The following KIF3C variants were observed in gnomAD, a reference collection of about 807,000 sequenced individuals.
KIF3C encodes the protein kinesin family member 3C, also known as kinesin-like protein KIF3C.
A neutral mutation model predicts 67.7 loss-of-function variants in KIF3C; 12 were observed. That is an observed-to-expected ratio of 0.18 (90% CI 0.11 to 0.29). The LOEUF (loss-of-function observed/expected upper bound fraction) is 0.29. KIF3C is among the 10% of genes least tolerant of loss of function. KIF3C has a pLI of 1.00. For synonymous variants in KIF3C, 393 were observed against 426.2 expected, an observed-to-expected ratio of 0.92 and a Z score of 0.96; for missense variants, 789 against 1,059.6, an observed-to-expected ratio of 0.74 and a Z score of 3.55.
chr2:25,961,685 A>G (rs1663946418), intron 1 of KIF3C, among the ~76,000 whole-genome samples: 1 of 152,236 alleles, frequency 6.6e-6, no homozygotes, highest in African/African-American at 2.4e-5. Context: ...TTTAGAAACA[A>G]AACATTGTAC....
At chr2:25,977,620 C>T (rs1330022521) in intron 1 of KIF3C, among the ~76,000 whole-genome samples, 2 of 152,190 alleles carry the variant, frequency 1.3e-5, no homozygotes, top group Non-Finnish European at 2.9e-5. Context: ...ACAGAAGCCA[C>T]CCCATAGCTG....
chr2:25,946,910 G>A (rs1052545422), intron 5 of KIF3C, among the ~76,000 whole-genome samples: 11 of 152,036 alleles, frequency 7.2e-5, no homozygotes, highest in Non-Finnish European at 1.2e-4. Context: ...CCAGCACTTC[G>A]GGAGGCCGAG....
chr2:25,952,005 GA>G, intron 4 of KIF3C, 100 bp from the exon 5 acceptor site: 1 of 840,460 alleles, frequency 1.2e-6, no homozygotes. Flanking sequence ...CCAAGAGGCA[GA>G]GGGGGCTGGG....
chr2:25,963,190 AT>A lies in KIF3C; in HGVS notation c.1546-6747del, dbSNP rs1559555643. On this transcript the variant is annotated intron_variant, in intron 1 of 7. Transcript: ENST00000264712. Reference sequence around the variant, plus strand: ...TGTGTGTGTGTATATATATATATATATATATATTTTTTTTTTTTTTTTTTTT... The same window carrying A: ...TGTGTGTGTGTATATATATATATATAATATATTTTTTTTTTTTTTTTTTTT... Among the ~76,000 whole-genome samples the A allele has an allele frequency of 3.0e-3, 159 of 53,616 alleles. 6 individuals carry two copies. The highest frequency in any genetic ancestry group is 0.019 in the African/African-American group (153 of 7,944). The allele number at this position is 53,616 out of a possible 152,430, so 35.2% of individuals were successfully genotyped here. A position where few individuals can be genotyped will look rare whatever the true frequency, so the allele number is the denominator to read the frequency against.
chr2:25,964,947 C>T (rs879184166), intron 1 of KIF3C, among the ~76,000 whole-genome samples: 7 of 152,272 alleles, frequency 4.6e-5, no homozygotes, highest in African/African-American at 1.2e-4. Context: ...CATCTGCTTC[C>T]GCGTTGGATC....
chr2:25,941,849 A>AGC (rs79200575), intron 5 of KIF3C, among the ~76,000 whole-genome samples: 109,102 of 151,218 alleles, frequency 0.72, 41,222 homozygotes, highest in Non-Finnish European at 0.84. Context: ...CACTGCACTC[A>AGC]CTGGGCAACA....
intron 5 of KIF3C, among the ~76,000 whole-genome samples, chr2:25,950,833 T>C (rs1054910237): frequency 6.6e-6 from 1 of 151,122 alleles, no homozygotes; most frequent in Non-Finnish European, 1.5e-5. Context: ...ACTTATGTGG[T>C]ATCACCTTAA....
chr2:25,929,547 C>A, intron 6 of KIF3C, 70 bp from the exon 7 acceptor site: 1 of 1,408,540 alleles, frequency 7.1e-7, no homozygotes, highest in Non-Finnish European at 1.0e-6. Context: ...CTCAGCCAGT[C>A]TTGGGTGTAG....
chr2:25,971,386 G>C (rs1439067115), intron 1 of KIF3C, among the ~76,000 whole-genome samples: 1 of 151,562 alleles, frequency 6.6e-6, no homozygotes, highest in Non-Finnish European at 1.5e-5. Context: ...CTTGCAGTTA[G>C]CTGAGATCAC....
rs1398776826 is a variant in KIF3C, at chr2:25,928,827, G to A, written c.*151C>T. 5 of 619,838 alleles carry A rather than the reference G, an allele frequency of 8.1e-6. No individual in the cohort carries two copies. The highest frequency in any genetic ancestry group is 5.6e-5 in the East Asian group (2 of 36,010). The allele number at this position is 619,838 out of a possible 1,614,324, so 38.4% of individuals were successfully genotyped here. On this transcript the variant is annotated 3_prime_UTR_variant, in exon 8 of 8. Coordinates refer to ENST00000264712, the MANE Select transcript of KIF3C (RefSeq NM_002254.8). ...AAATAAAGGAGGCGAAGAAGAGCAGGCAGAGGCACCATCTGCCAGATTCTC... is the reference window on the plus strand; with the variant it reads ...AAATAAAGGAGGCGAAGAAGAGCAGACAGAGGCACCATCTGCCAGATTCTC...
In KIF3C at chr2:25,929,334, G is replaced by T; in HGVS notation, c.2259C>A (p.Ser753=). ...ATCTGGACTTTCGGACTTTAGACGT[G>T]GAAGGTCTTTCCAGAAAGCTGTCCA... is the stretch of plus-strand genomic sequence containing the variant. ...MRLDSFLERP[S]TSKVRKSRSW... The change falls in exon 7 of 8, where the codon TCC becomes TCA. Residue 753 remains serine (S), a synonymous_variant. Transcript: ENST00000264712. 6.2e-7 allele frequency: 1 copy of T among 1,614,128 alleles called. No individual in the cohort carries two copies. Among genetic ancestry groups the T allele is most frequent in the Admixed American group, 1.7e-5 (1 of 60,006 alleles).
chr2:25,955,272 C>G lies in KIF3C; in HGVS notation c.1770+269G>C, dbSNP rs577447679. ...GGTGACACTGAACGGGGTAATCACC[C>G]AGGACCATGAAGATGGTAACGCTGG... On this transcript the variant is annotated intron_variant, in intron 3 of 7. Coordinates refer to ENST00000264712, the MANE Select transcript of KIF3C (RefSeq NM_002254.8). The surrounding 1 kb of genome is among the most constrained non-coding windows in gnomAD (Gnocchi z 5.0). 6.6e-6 allele frequency among the ~76,000 whole-genome samples: 1 copy of G among 152,288 alleles called. No individual in the cohort carries two copies. Among genetic ancestry groups the G allele is most frequent in the South Asian group, 2.1e-4 (1 of 4,822 alleles).
chr2:25,967,387 C>T (rs1470843358), intron 1 of KIF3C, among the ~76,000 whole-genome samples: 1 of 152,216 alleles, frequency 6.6e-6, no homozygotes, highest in Non-Finnish European at 1.5e-5. Flanking sequence ...AGTCAGGGTG[C>T]TCCAGTCGGG....
intron 1 of KIF3C, among the ~76,000 whole-genome samples, chr2:25,970,537 G>A (rs1205905030): frequency 6.6e-6 from 1 of 151,606 alleles, no homozygotes; most frequent in East Asian, 1.9e-4. Context: ...GTGTGGTGGT[G>A]GCCACTATAA....
rs1000683717 is a variant in KIF3C at position 25,958,824 on chromosome 2, C to T, written c.1546-2380G>A. ...GTGCGGTGGCTAGCGCCTGTAATCCCGGCACTTTGGGAGGCCAAGGCAGGC... is the reference window on the plus strand; with the variant it reads ...GTGCGGTGGCTAGCGCCTGTAATCCTGGCACTTTGGGAGGCCAAGGCAGGC... On this transcript the variant is annotated intron_variant, in intron 1 of 7. Transcript: ENST00000264712. This position sits in a 1 kb window ranked among gnomAD's most constrained non-coding sequence, Gnocchi z 4.5. Among the ~76,000 whole-genome samples, 6 of 152,154 alleles carry T rather than the reference C, an allele frequency of 3.9e-5. No individual in the cohort carries two copies. The highest frequency in any genetic ancestry group is 1.4e-4 in the African/African-American group (6 of 41,440).
At chr2:25,972,028 A>G (rs1188928951) in intron 1 of KIF3C, among the ~76,000 whole-genome samples, 2 of 151,798 alleles carry the variant, frequency 1.3e-5, no homozygotes, top group Non-Finnish European at 2.9e-5. Context: ...CACCTGGGGA[A>G]GCATTTCCTT....
At chr2:25,934,385 C>T (rs1432666019) in intron 5 of KIF3C, among the ~76,000 whole-genome samples, 10 of 151,852 alleles carry the variant, frequency 6.6e-5, no homozygotes, top group Non-Finnish European at 1.3e-4. Context: ...TCGAGACCAG[C>T]GTGACCAACA....
chr2:25,974,896 C>T (rs1664371879), intron 1 of KIF3C, among the ~76,000 whole-genome samples: 2 of 151,958 alleles, frequency 1.3e-5, no homozygotes, highest in Middle Eastern at 3.4e-3. Flanking sequence ...TGTGGTGGTG[C>T]ATGCCTGTAA....
Position 25,980,544 on chromosome 2 carries a change from C to G in KIF3C, c.1374G>C (p.Glu458Asp), listed in dbSNP as rs776993657. 5 of 1,614,188 alleles carry G rather than the reference C, an allele frequency of 3.1e-6. No homozygotes were observed. The highest frequency in any genetic ancestry group is 3.4e-6 in the Non-Finnish European group (4 of 1,180,022). ...ILESALEKNMENYLQEQKERL... is the reference protein window; with the variant it reads ...ILESALEKNMDNYLQEQKERL... Reference sequence around the variant, plus strand: ...GCTCCTTCTGTTCCTGCAGGTAATTCTCCATGTTCTTCTCCAAGGCTGACT... The same window carrying G: ...GCTCCTTCTGTTCCTGCAGGTAATTGTCCATGTTCTTCTCCAAGGCTGACT... Residue 458 changes from glutamate (E) to aspartate (D), a missense_variant, in exon 1 of 8, where the codon GAG (glutamate) becomes GAC (aspartate). This residue lies in a region of KIF3C where 648 missense variants were observed against 807.8 expected (regional missense o/e 0.80). Coordinates refer to ENST00000264712, the MANE Select transcript of KIF3C (RefSeq NM_002254.8). This position sits in a 1 kb window ranked among gnomAD's most constrained non-coding sequence, Gnocchi z 7.6.
Sources: allele counts gnomAD v4.1 joint callset (sites outside exome capture counted in the v4.1 genomes callset), GRCh38; gene constraint gnomAD v4.1.1; regional missense constraint gnomAD v4.1.1; non-coding constraint Gnocchi (gnomAD v3.1); transcripts MANE v1.5; gene names NCBI Gene and HGNC (gene_info 2026-07-23, HGNC 2026-07-21).